Variants in WDR7 observed in about 807,000 individuals in gnomAD.
WDR7 encodes the protein WD repeat-containing protein 7.
WDR7 carries 46 observed loss-of-function variants against 169.4 expected under a neutral mutation model. The ratio of observed to expected loss-of-function variants is 0.27; its 90% confidence interval spans 0.21 to 0.35. The LOEUF (loss-of-function observed/expected upper bound fraction) is 0.35. WDR7 is among the 10% of genes least tolerant of loss of function. The pLI, the probability that WDR7 is intolerant of heterozygous loss-of-function variation, is 1.00. For missense variants in WDR7, 1,534 were observed against 1,859.3 expected (o/e 0.83, Z 3.22); for synonymous variants, 612 against 666.8 (o/e 0.92, Z 1.27).
intron 23 of WDR7, among the ~76,000 whole-genome samples, chr18:56,938,058 G>T (rs895903993): frequency 1.3e-4 from 20 of 151,822 alleles, no homozygotes; most frequent in Non-Finnish European, 2.8e-4. Flanking sequence ...GTAGACTGAG[G>T]GGGAGGAAGT....
intron 1 of WDR7, among the ~76,000 whole-genome samples, chr18:56,666,775 G>A (rs1359854057): frequency 6.6e-6 from 1 of 152,102 alleles, no homozygotes; most frequent in Non-Finnish European, 1.5e-5. Context: ...TGAGCTCTGA[G>A]ATCAGTTTGA....
intron 12 of WDR7, among the ~76,000 whole-genome samples, chr18:56,707,056 A>G (rs2025974264): frequency 1.3e-5 from 2 of 151,022 alleles, no homozygotes; most frequent in South Asian, 4.2e-4. Context: ...ATCTCAGTTC[A>G]CTGCAACCTC....
intron 27 of WDR7, among the ~76,000 whole-genome samples, chr18:57,021,935 G>A (rs1030987116): frequency 7.2e-5 from 11 of 152,180 alleles, no homozygotes; most frequent in Non-Finnish European, 1.6e-4. Context: ...AAGTAACAAC[G>A]TGCTATTAAA....
intron 12 of WDR7, among the ~76,000 whole-genome samples, chr18:56,701,446 A>G (rs1191311499): frequency 6.6e-6 from 1 of 152,210 alleles, no homozygotes; most frequent in Non-Finnish European, 1.5e-5. Flanking sequence ...TAAAAATTAT[A>G]TGACAGATAT....
chr18:56,758,468 T>C (rs1438979895), intron 15 of WDR7, among the ~76,000 whole-genome samples: 1 of 152,220 alleles, frequency 6.6e-6, no homozygotes, highest in African/African-American at 2.4e-5. Context: ...CCAAGATTTC[T>C]TAATGCCTGA....
chr18:56,980,321 C>T (rs1429767177), intron 26 of WDR7, among the ~76,000 whole-genome samples: 2 of 152,212 alleles, frequency 1.3e-5, no homozygotes, highest in Non-Finnish European at 2.9e-5. Flanking sequence ...GTGGCTAGCA[C>T]CCCCAGATTG....
intron 14 of WDR7, among the ~76,000 whole-genome samples, chr18:56,737,075 A>G (rs541508285): frequency 3.0e-4 from 45 of 152,196 alleles, no homozygotes; most frequent in Non-Finnish European, 5.4e-4. Flanking sequence ...GATGCTTATA[A>G]TTCTTTGGAG....
At chr18:56,981,631 C>T (rs1471489583) in intron 26 of WDR7, among the ~76,000 whole-genome samples, 1 of 152,100 alleles carries the variant, frequency 6.6e-6, no homozygotes, top group Non-Finnish European at 1.5e-5. Flanking sequence ...GCCATAGATA[C>T]TCAAAGAGGA....
chr18:56,944,303 T>C (rs1046399183), intron 25 of WDR7, among the ~76,000 whole-genome samples: 2 of 152,174 alleles, frequency 1.3e-5, no homozygotes, highest in Non-Finnish European at 2.9e-5. Flanking sequence ...GTCTTGTAGT[T>C]CTCATGTGCA....
chr18:56,706,825 C>G (rs1472374472), intron 12 of WDR7, among the ~76,000 whole-genome samples: 1 of 150,018 alleles, frequency 6.7e-6, no homozygotes, highest in African/African-American at 2.5e-5. Flanking sequence ...GTAGCTGGGA[C>G]TACTGGTGAA....
chr18:56,996,643 C>T (rs1319246502), intron 26 of WDR7, among the ~76,000 whole-genome samples: 1 of 151,674 alleles, frequency 6.6e-6, no homozygotes, highest in African/African-American at 2.4e-5. Context: ...TTCCTTTCAA[C>T]TTTGAGGCAG....
rs2145959626 is a variant in WDR7 at position 57,027,664 on chromosome 18, A to T, written c.*457A>T. On this transcript the variant is annotated 3_prime_UTR_variant, in exon 28 of 28. Coordinates refer to ENST00000254442, the MANE Select transcript of WDR7 (RefSeq NM_015285.3). ...GTCATGTGGCAGTCCTCACGATTGA[A>T]ATTATTGCCCTTTGAATTACCTAAA... 6.2e-6 allele frequency: 1 copy of T among 160,102 alleles called. No individual in the cohort carries two copies. The highest frequency in any genetic ancestry group is 1.4e-5 in the Non-Finnish European group (1 of 73,388). 9.9% of individuals were successfully genotyped at this position (160,102 alleles called of 1,614,324 possible).
chr18:56,877,110 A>G (rs2046033951), intron 20 of WDR7, among the ~76,000 whole-genome samples: 2 of 152,222 alleles, frequency 1.3e-5, no homozygotes, highest in South Asian at 4.1e-4. Context: ...ATAATATTAG[A>G]GAAGGTATAA....
chr18:56,775,059 A>T (rs770963643), intron 16 of WDR7, among the ~76,000 whole-genome samples: 25 of 152,030 alleles, frequency 1.6e-4, no homozygotes, highest in Non-Finnish European at 3.2e-4. Flanking sequence ...TTCCTTTTAC[A>T]CTTGTTCCTT....
chr18:56,975,191 A>G (rs2145813964), intron 26 of WDR7, among the ~76,000 whole-genome samples: 1 of 151,374 alleles, frequency 6.6e-6, no homozygotes, highest in East Asian at 2.0e-4. Flanking sequence ...AGCTGAGATC[A>G]CGCCACTGCA....
At chr18:56,720,608 A>C (rs953130165) in intron 13 of WDR7, among the ~76,000 whole-genome samples, 2 of 152,210 alleles carry the variant, frequency 1.3e-5, no homozygotes, top group African/African-American at 4.8e-5. Context: ...TAATACTTGA[A>C]TATTTCAGAT....
At chr18:56,869,059 GA>G (rs1183268230) in intron 20 of WDR7, among the ~76,000 whole-genome samples, 1 of 152,090 alleles carries the variant, frequency 6.6e-6, no homozygotes, top group African/African-American at 2.4e-5. Flanking sequence ...GGATCTTTGT[GA>G]AAAATAAGAA....
At chr18:56,980,673 C>G (rs912746526) in intron 26 of WDR7, among the ~76,000 whole-genome samples, 10 of 152,162 alleles carry the variant, frequency 6.6e-5, no homozygotes, top group African/African-American at 2.2e-4. Context: ...GATGTCCAAC[C>G]TTTGTAAGAA....
At chr18:57,023,608 A>G (rs1860422006) in intron 27 of WDR7, among the ~76,000 whole-genome samples, 1 of 152,218 alleles carries the variant, frequency 6.6e-6, no homozygotes. Flanking sequence ...AAAAAGCCAA[A>G]GTTACACTTG....
Sources: gnomAD v4.1 joint callset for allele counts (sites outside exome capture counted in the v4.1 genomes callset) on GRCh38, gnomAD v4.1.1 for gene constraint, MANE v1.5 for transcripts, NCBI Gene and HGNC (gene_info 2026-07-23, HGNC 2026-07-21) for gene names.